GDPD5: variants seen among roughly 807,000 people sequenced by gnomAD.
The protein encoded by GDPD5 is glycerophosphodiester phosphodiesterase domain containing 5.
GDPD5 carries 48 observed loss-of-function variants against 75.1 expected under a neutral mutation model. That is an observed-to-expected ratio of 0.64 (90% CI 0.51 to 0.81). The LOEUF is 0.81. Ranked by LOEUF, GDPD5 falls within the 40% of genes least tolerant of loss-of-function variation. GDPD5 has a pLI of 0.00. For synonymous variants in GDPD5, 336 were observed against 339.0 expected (o/e 0.99, Z 0.10); for missense variants, 706 against 822.6 (o/e 0.86, Z 1.73).
chr11:75,454,664 G>A (rs1012044435), intron 6 of GDPD5, among the ~76,000 whole-genome samples: 3 of 152,226 alleles, frequency 2.0e-5, no homozygotes, highest in African/African-American at 7.2e-5. Context: ...CGAAGAAGGA[G>A]CTCCAAGAAT....
intron 6 of GDPD5, chr11:75,455,434 TCTGGGGTC>T (rs1949265030): frequency 2.2e-6 from 1 of 452,134 alleles, no homozygotes; most frequent in African/African-American, 2.0e-5. Context: ...GACTTCAGTC[TCTGGGGTC>T]TGACTCCCAA....
rs1948666312 is a variant in GDPD5 at position 75,437,856 on chromosome 11, C to T, written c.1557-808G>A. Reference sequence around the variant, plus strand: ...CTCTGAACTAGCCCCAGTCCCTGGCCTCTGAACTTAGACCTTTCCTGGGAT... The same window carrying T: ...CTCTGAACTAGCCCCAGTCCCTGGCTTCTGAACTTAGACCTTTCCTGGGAT... On this transcript the variant is annotated intron_variant, in intron 15 of 16. Transcript: ENST00000336898. 3 of 152,300 alleles carry T rather than the reference C, an allele frequency of 2.0e-5. No homozygotes were observed. In the South Asian group the frequency reaches 6.2e-4, roughly 32 times the overall value. The allele number at this position is 152,300 out of a possible 1,614,324, so 9.4% of individuals were successfully genotyped here.
chr11:75,520,477 G>A (rs750436526), intron 1 of GDPD5, among the ~76,000 whole-genome samples: 1 of 152,192 alleles, frequency 6.6e-6, no homozygotes, highest in Non-Finnish European at 1.5e-5. Flanking sequence ...GGCACTCAGA[G>A]GGAGGGGAGG....
chr11:75,443,712 TAG>T (rs1382176489), intron 10 of GDPD5, among the ~76,000 whole-genome samples: 12 of 152,224 alleles, frequency 7.9e-5, no homozygotes, highest in Non-Finnish European at 1.8e-4. Context: ...AGTGCAAATG[TAG>T]ACCTCTTTGG....
chr11:75,459,334 ATTT>A (rs34572465), intron 4 of GDPD5, among the ~76,000 whole-genome samples: 259 of 139,968 alleles, frequency 1.9e-3, no homozygotes, highest in Middle Eastern at 3.8e-3. Context: ...AAGAGAATGA[ATTT>A]TTTTTTTTTT....
intron 3 of GDPD5, among the ~76,000 whole-genome samples, chr11:75,477,286 G>A (rs1473096126): frequency 6.6e-6 from 1 of 152,214 alleles, no homozygotes; most frequent in East Asian, 1.9e-4. Flanking sequence ...GCACCTGCCT[G>A]TTTGCCTGCC....
At chr11:75,443,053 G>A (rs1053662339) in intron 11 of GDPD5, 83 bp downstream of exon 11, 1 of 1,500,062 alleles carries the variant, frequency 6.7e-7, no homozygotes, top group East Asian at 2.5e-5. Flanking sequence ...TCTCGAAGCT[G>A]ATGGCCACCC....
At chr11:75,510,405 C>G (rs1950489851) in intron 1 of GDPD5, among the ~76,000 whole-genome samples, 1 of 152,230 alleles carries the variant, frequency 6.6e-6, no homozygotes, top group South Asian at 2.1e-4. Context: ...GCTGGGGACA[C>G]TGGGATGAAT....
At chr11:75,441,473 G>T (rs113035931) in intron 13 of GDPD5, among the ~76,000 whole-genome samples, 163 bp from the exon 14 acceptor site, 1,742 of 152,266 alleles carry the variant, frequency 0.011, 44 homozygotes, top group African/African-American at 0.039. Context: ...GGGTCTGCCC[G>T]ACACGCTCAC....
rs554672260 is a variant in GDPD5, at chr11:75,506,090, G to A, written c.-144-15770C>T. 3.4e-4 allele frequency among the ~76,000 whole-genome samples: 52 copies of A among 152,282 alleles called. No homozygotes were observed. In the South Asian group the frequency reaches 0.01, roughly 30 times the overall value. ...TAAGGACCCTTCCCAGAGCCCCTTG[G>A]GAGGGTCAGATATGGCAAGAGCACA... On this transcript the variant is annotated intron_variant, in intron 1 of 16. Coordinates refer to ENST00000336898, the MANE Select transcript of GDPD5 (RefSeq NM_030792.8).
At chr11:75,512,902 A>C (rs1555017542) in intron 1 of GDPD5, among the ~76,000 whole-genome samples, 3 of 152,198 alleles carry the variant, frequency 2.0e-5, no homozygotes. Flanking sequence ...AGAAAGAAAG[A>C]AAGAAGTCTT....
chr11:75,446,721 G>GC (rs1314754443), intron 9 of GDPD5, among the ~76,000 whole-genome samples: 1 of 152,236 alleles, frequency 6.6e-6, no homozygotes, highest in African/African-American at 2.4e-5. Context: ...CAGAGTCAGA[G>GC]CCCCCCAAGG....
chr11:75,491,689 C>T (rs1334435323), intron 1 of GDPD5, among the ~76,000 whole-genome samples: 1 of 152,190 alleles, frequency 6.6e-6, no homozygotes. Context: ...CCTTTCTGTG[C>T]CTCAATCTCC....
intron 1 of GDPD5, among the ~76,000 whole-genome samples, chr11:75,520,008 T>C (rs567805132): frequency 6.6e-6 from 1 of 152,316 alleles, no homozygotes; most frequent in African/African-American, 2.4e-5. Flanking sequence ...AAAACCCAAG[T>C]CCCCAGATAT....
chr11:75,499,856 C>T (rs1344467497), intron 1 of GDPD5, among the ~76,000 whole-genome samples: 2 of 152,192 alleles, frequency 1.3e-5, no homozygotes, highest in Non-Finnish European at 2.9e-5. Flanking sequence ...ATGCAAAAAC[C>T]ACCAGAGGCC....
In GDPD5 at chr11:75,441,094, C is replaced by T. The variant is rs1040611132; in HGVS notation, c.1473+69G>A. The stretch of plus-strand genomic sequence containing the variant: ...GGACAGCTCCAAGCACAGAGCTTGC[C>T]GAGTGGTCAGGGCAGGCTATAGGCA... On this transcript the variant is annotated intron_variant, in intron 14 of 16. Coordinates refer to ENST00000336898, the MANE Select transcript of GDPD5 (RefSeq NM_030792.8). The T allele has an allele frequency of 4.1e-5, 61 of 1,503,102 alleles. No homozygotes were observed. In the African/African-American group the frequency reaches 6.4e-4, roughly 16 times the overall value. 93.1% of individuals were successfully genotyped at this position (1,503,102 alleles called of 1,614,324 possible). A position where few individuals can be genotyped will look rare whatever the true frequency, so the allele number is the denominator to read the frequency against.
chr11:75,472,569 C>T (rs1949693313), intron 3 of GDPD5, among the ~76,000 whole-genome samples: 1 of 152,146 alleles, frequency 6.6e-6, no homozygotes, highest in South Asian at 2.1e-4. Flanking sequence ...GCACAGGAGG[C>T]AGCACCAAGA....
rs76651349 is a variant in GDPD5 at position 75,467,368 on chromosome 11, A to G, written c.118-4479T>C. On this transcript the variant is annotated intron_variant, in intron 3 of 16. Coordinates refer to ENST00000336898, the MANE Select transcript of GDPD5 (RefSeq NM_030792.8). ...GGCTGCGAGCTCCCTCAGGGCAGGG[A>G]TGGCCTGAGCTGTCTCTATGTCTCC... Among the ~76,000 whole-genome samples, 851 of 152,276 alleles carry G rather than the reference A, an allele frequency of 5.6e-3. 2 individuals are homozygous for G. Among genetic ancestry groups the G allele is most frequent in the Non-Finnish European group, 8.7e-3 (590 of 68,016 alleles).
intron 1 of GDPD5, among the ~76,000 whole-genome samples, chr11:75,498,097 G>GA (rs1950243745): frequency 6.6e-6 from 1 of 151,008 alleles, no homozygotes; most frequent in African/African-American, 2.4e-5. Flanking sequence ...GGGGCTGGTG[G>GA]AGGGGGGGCT....
Sources: gnomAD v4.1 joint callset for allele counts (sites outside exome capture counted in the v4.1 genomes callset) on GRCh38, gnomAD v4.1.1 for gene constraint, MANE v1.5 for transcripts, NCBI Gene and HGNC (gene_info 2026-07-23, HGNC 2026-07-21) for gene names.